CROCC2: variants seen among roughly 807,000 people sequenced by gnomAD.
CROCC2 encodes the protein ciliary rootlet coiled-coil protein 2.
A neutral mutation model predicts 177.6 loss-of-function variants in CROCC2; 163 were observed. The ratio of observed to expected loss-of-function variants is 0.92; its 90% CI spans 0.81 to 1.05. The LOEUF (loss-of-function observed/expected upper bound fraction) is 1.05, where lower values mean the gene tolerates loss of function less well. CROCC2 is among the 50% of genes least tolerant of loss of function. The pLI is 0.00. For synonymous variants in CROCC2, 904 were observed against 787.3 expected, an observed-to-expected ratio of 1.15 and a Z score of -2.48; for missense variants, 1,929 against 1,797.8, an observed-to-expected ratio of 1.07 and a Z score of -1.32.
chr2:240,940,642 A>G (rs2059490380), intron 14 of CROCC2, among the ~76,000 whole-genome samples: 1 of 152,202 alleles, frequency 6.6e-6, no homozygotes, highest in Non-Finnish European at 1.5e-5. Context: ...GACAAAATCC[A>G]GCATCCCTTT....
chr2:240,919,060 ACGG>A (rs2059340081), intron 2 of CROCC2, among the ~76,000 whole-genome samples, 184 bp downstream of exon 2: 1 of 36,770 alleles, frequency 2.7e-5, no homozygotes, highest in Non-Finnish European at 6.8e-5. Flanking sequence ...GGCGTGGGGG[ACGG>A]TCCTGGGCCC....
Position 240,933,193 on chromosome 2 carries a change from C to T in CROCC2, c.1314C>T (p.Ser438=), listed in dbSNP as rs779760314. Residue 438 remains serine, a synonymous_variant, in exon 10 of 32, where the codon TCC becomes TCT. Transcript: ENST00000690015. ...TGGCCAGTCTCCAGGAGCAGCTGTC[C>T]GAAAGCCGGCGGGAGCTGTGGGCCG... ...ALVASLQEQL[S]ESRRELWAAQ... The T allele has an allele frequency of 3.3e-5, 51 of 1,549,610 alleles. No individual in the cohort carries two copies. The highest frequency in any genetic ancestry group is 3.9e-5 in the Non-Finnish European group (45 of 1,146,648).
At chr2:240,959,615 G>T in intron 20 of CROCC2, 171 bp downstream of exon 20, 1 of 838,484 alleles carries the variant, frequency 1.2e-6, no homozygotes, top group Non-Finnish European at 1.8e-6. Flanking sequence ...AGGGGCATGG[G>T]ACAAGGGGCC....
chr2:240,964,092 G>A, intron 21 of CROCC2: 1 of 542,604 alleles, frequency 1.8e-6, no homozygotes, highest in Non-Finnish European at 3.3e-6. Context: ...CCAACGGCCT[G>A]GCTGGGGCTC....
In CROCC2 at chr2:240,947,580, A is replaced by G. The variant is rs1267737787; in HGVS notation, c.2363+1327A>G. Among the ~76,000 whole-genome samples the G allele has an allele frequency of 3.3e-5, 5 of 152,236 alleles. No homozygotes were observed. The East Asian group carries it at 9.6e-4, about 29-fold the overall frequency. ...CTCTGTGTGTTTATCTGACTGGCCC[A>G]GTGGGGCCAGAGAGCGTGGAAGCTG... On this transcript the variant is annotated intron_variant, in intron 15 of 31. Coordinates refer to ENST00000690015, the MANE Select transcript of CROCC2 (RefSeq NM_001351305.2).
intron 14 of CROCC2, among the ~76,000 whole-genome samples, chr2:240,937,012 A>C (rs190154403): frequency 6.6e-6 from 1 of 152,354 alleles, no homozygotes; most frequent in Admixed American, 6.5e-5. Flanking sequence ...CTTAGGACCA[A>C]AACTGTGCAC....
At chr2:240,941,104 T>A (rs1169857040) in intron 14 of CROCC2, among the ~76,000 whole-genome samples, 3 of 151,718 alleles carry the variant, frequency 2.0e-5, no homozygotes, top group Non-Finnish European at 4.4e-5. Flanking sequence ...CAAAAAAAAA[T>A]ACTTAGGAAT....
At chr2:240,991,919 C>T (rs1329134090) in intron 31 of CROCC2, among the ~76,000 whole-genome samples, 1 of 152,212 alleles carries the variant, frequency 6.6e-6, no homozygotes, top group Non-Finnish European at 1.5e-5. Context: ...TGTGAGCCTC[C>T]GCATCCAGGA....
intron 15 of CROCC2, among the ~76,000 whole-genome samples, chr2:240,947,038 A>C (rs1318245823): frequency 6.6e-6 from 1 of 152,288 alleles, no homozygotes; most frequent in Non-Finnish European, 1.5e-5. Flanking sequence ...CAGCCTCTGC[A>C]GAAACCCAAC....
At chr2:240,944,770 T>G (rs1184071515) in intron 14 of CROCC2, among the ~76,000 whole-genome samples, 1 of 152,202 alleles carries the variant, frequency 6.6e-6, no homozygotes, top group African/African-American at 2.4e-5. Context: ...GGAGGATCTA[T>G]ATCTATTTTC....
rs2059461493 is a variant in CROCC2 at position 240,935,338 on chromosome 2, C to A, written c.1939-20C>A. 5.2e-6 allele frequency: 7 copies of A among 1,349,994 alleles called. No homozygotes were observed. The highest frequency in any genetic ancestry group is 5.7e-6 in the Non-Finnish European group (6 of 1,044,914). 83.6% of individuals were successfully genotyped at this position (1,349,994 alleles called of 1,614,324 possible). ...GAGGATGGGGGGAGTGGATGCAGAG[C>A]CCCCGACACCTGGTGGCAGCTGGAG... On this transcript the variant is annotated intron_variant, in intron 13 of 31. Coordinates refer to ENST00000690015, the MANE Select transcript of CROCC2 (RefSeq NM_001351305.2).
chr2:240,929,826 T>C (rs1464493824), intron 5 of CROCC2: 6 of 483,822 alleles, frequency 1.2e-5, no homozygotes, highest in South Asian at 9.7e-5. Context: ...GTTCCAAGCC[T>C]GAGCAGTTCC....
At chr2:240,990,643 C>T (rs1188389672) in intron 30 of CROCC2, among the ~76,000 whole-genome samples, 4 of 152,180 alleles carry the variant, frequency 2.6e-5, no homozygotes, top group Non-Finnish European at 4.4e-5. Context: ...TGTGCAGTGG[C>T]GCGATCTCGG....
chr2:240,914,402 GGC>G (rs2059305803), intron 1 of CROCC2, among the ~76,000 whole-genome samples: 1 of 152,244 alleles, frequency 6.6e-6, no homozygotes, highest in South Asian at 2.1e-4. Flanking sequence ...GGCCGATGCT[GGC>G]GCGCGCCTTC....
intron 27 of CROCC2, among the ~76,000 whole-genome samples, chr2:240,971,173 C>T (rs10178990): frequency 0.64 from 97,219 of 152,116 alleles, 32,208 homozygotes; most frequent in African/African-American, 0.81. Flanking sequence ...TCCCTTCTGC[C>T]GACACCCGAG....
Position 240,968,561 on chromosome 2 carries a change from G to A in CROCC2, c.4401+299G>A, listed in dbSNP as rs141156965. On this transcript the variant is annotated intron_variant, in intron 27 of 31. Coordinates refer to ENST00000690015, the MANE Select transcript of CROCC2 (RefSeq NM_001351305.2). ...GGAAACTGAGGACTTGGCCCTGGGG[G>A]CACAGCGAGTGGGGGGCAGAGCCCC... 8.9e-3 allele frequency among the ~76,000 whole-genome samples: 1,352 copies of A among 152,302 alleles called. 11 individuals are homozygous for A. The highest frequency in any genetic ancestry group is 0.02 in the Middle Eastern group (6 of 294).
chr2:240,914,905 T>G (rs765131289), intron 1 of CROCC2, among the ~76,000 whole-genome samples: 17 of 152,184 alleles, frequency 1.1e-4, no homozygotes, highest in Non-Finnish European at 2.1e-4. Flanking sequence ...TCCCTCCAAG[T>G]CTTCTGACCC....
At chr2:240,975,747 G>A (rs1355470109) in intron 27 of CROCC2, among the ~76,000 whole-genome samples, 1 of 19,594 alleles carries the variant, frequency 5.1e-5, no homozygotes, top group African/African-American at 1.8e-4. Flanking sequence ...TTTTTTTTTT[G>A]AGACAGAGTT....
At chr2:240,964,293 G>A (rs1454312181) in intron 21 of CROCC2, 173 bp from the exon 22 acceptor site, 2 of 735,516 alleles carry the variant, frequency 2.7e-6, no homozygotes, top group Admixed American at 2.7e-5. Flanking sequence ...CCGGGACCTG[G>A]GTGGACATAT....
Sources: allele counts gnomAD v4.1 joint callset (sites outside exome capture counted in the v4.1 genomes callset), GRCh38; gene constraint gnomAD v4.1.1; transcripts MANE v1.5; gene names NCBI Gene and HGNC (gene_info 2026-07-23, HGNC 2026-07-21).